P3H4: variants seen among roughly 807,000 people sequenced by gnomAD.
P3H4 encodes the protein prolyl 3-hydroxylase family member 4 (inactive).
A neutral mutation model predicts 52.9 loss-of-function variants in P3H4; 47 were observed. That is an observed-to-expected ratio of 0.89 (90% CI 0.70 to 1.13). P3H4 has a LOEUF of 1.13. Among genes scored for constraint, P3H4 ranks in the 50% most tolerant of loss-of-function variants. The probability of loss-of-function intolerance (pLI) is 0.00; values close to 1 mark genes in which losing one functional copy is unlikely to be tolerated. For missense variants in P3H4, 585 were observed against 611.0 expected (o/e 0.96, Z 0.45); for synonymous variants, 256 against 267.9 (o/e 0.96, Z 0.44).
At position 41,811,079 on chromosome 17, in the gene P3H4, C is replaced by T. The variant is rs1336453872; in HGVS notation, c.616-45G>A. 2 of 1,609,398 alleles carry T rather than the reference C, an allele frequency of 1.2e-6. No homozygotes were observed. The highest frequency in any genetic ancestry group is 1.7e-6 in the Non-Finnish European group (2 of 1,176,378). On this transcript the variant is annotated intron_variant, in intron 2 of 7. Transcript: ENST00000393928. This position sits in a 1 kb window ranked among gnomAD's most constrained non-coding sequence, Gnocchi z 4.8. ...GGGAGTCAGGGCGCCCCCAACATCT[C>T]CCCTCCTCTACTAGCCCTCCTCTAC... is the stretch of plus-strand genomic sequence containing the variant.
chr17:41,807,673 T>C (rs2047687533), intron 5 of P3H4, among the ~76,000 whole-genome samples, 186 bp downstream of exon 5: 1 of 151,992 alleles, frequency 6.6e-6, no homozygotes, highest in Admixed American at 6.6e-5. Context: ...AATTTTTTTT[T>C]CTTTTCAGTA....
rs185287878 is a variant in P3H4, at chr17:41,808,624, A to G, written c.917-620T>C. Among the ~76,000 whole-genome samples, 3 of 152,232 alleles carry G rather than the reference A, an allele frequency of 2.0e-5. No homozygotes were observed. In the East Asian group the frequency reaches 5.8e-4, roughly 29 times the overall value. On this transcript the variant is annotated intron_variant, in intron 4 of 7. Transcript: ENST00000393928. ...GGTTGGTCTCGAACTCCTGGGCTCA[A>G]GCCATCTGCCTGCCTGGGCCTCCCA...
chr17:41,811,264 C>A lies in P3H4; in HGVS notation c.483G>T (p.Ala161=), dbSNP rs145559331. Residue 161 remains alanine (A), a synonymous_variant, in exon 2 of 8, where the codon GCG becomes GCT. Transcript: ENST00000393928. This position sits in a 1 kb window ranked among gnomAD's most constrained non-coding sequence, Gnocchi z 4.8. ...GGAGGAAGGTGTAGGCCGCCGCCAC[C>A]GCCTTCTCCAGCCGGTTAGCCTGGT... The part of the protein sequence containing the change: ...ALFKANRLEK[A]VAAAYTFLQR... 75 of 1,613,532 alleles carry A rather than the reference C, an allele frequency of 4.6e-5. No individual in the cohort carries two copies. The Middle Eastern group carries it at 1.3e-3, about 28-fold the overall frequency.
chr17:41,808,096 GC>G, intron 4 of P3H4, 92 bp from the exon 5 acceptor site: 3 of 1,478,826 alleles, frequency 2.0e-6, no homozygotes, highest in Non-Finnish European at 1.8e-6. Flanking sequence ...CTGCTACCCA[GC>G]CACCTCCCAG....
rs2047631518 is a variant in P3H4 at position 41,802,811 on chromosome 17, C to A, written c.*146G>T. 3 of 832,054 alleles carry A rather than the reference C, an allele frequency of 3.6e-6. No homozygotes were observed. The highest frequency in any genetic ancestry group is 1.9e-6 in the Non-Finnish European group (1 of 527,176). The allele number at this position is 832,054 out of a possible 1,614,324, so 51.5% of individuals were successfully genotyped here. On this transcript the variant is annotated 3_prime_UTR_variant, in exon 8 of 8. Transcript: ENST00000393928. ...AAGTGATCCACCCACCTTGGCCTCCCAAAATGCTGGGATTACAGGTGTGAG... is the reference window on the plus strand; with the variant it reads ...AAGTGATCCACCCACCTTGGCCTCCAAAAATGCTGGGATTACAGGTGTGAG...
chr17:41,811,943 C>G lies in P3H4; in HGVS notation c.-28G>C. On this transcript the variant is annotated 5_prime_UTR_variant, in exon 1 of 8. Coordinates refer to ENST00000393928, the MANE Select transcript of P3H4 (RefSeq NM_006455.3). This position sits in a 1 kb window ranked among gnomAD's most constrained non-coding sequence, Gnocchi z 4.8. The stretch of plus-strand genomic sequence containing the variant: ...CCGCCGCGCCGCCGGCTCTCCGGAG[C>G]TGAGCTGGCTGCCCCGCGGACGGAA... The G allele has an allele frequency of 6.7e-7, 1 of 1,487,794 alleles. No homozygotes were observed. The highest frequency in any genetic ancestry group is 8.9e-7 in the Non-Finnish European group (1 of 1,127,132). 92.2% of individuals were successfully genotyped at this position (1,487,794 alleles called of 1,614,324 possible). A position where few individuals can be genotyped will look rare whatever the true frequency, so the allele number is the denominator to read the frequency against.
chr17:41,803,334 G>T lies in P3H4; in HGVS notation c.1244C>A (p.Ala415Asp). The T allele has an allele frequency of 1.2e-6, 2 of 1,614,086 alleles. No homozygotes were observed. Among genetic ancestry groups the T allele is most frequent in the South Asian group, 2.2e-5 (2 of 91,080 alleles). ...GGCATCCGGCTCCTGCCACCAGTCA[G>T]CATACATGCCCTCCTCGTAGTCACC... Reference protein sequence around the residue: ...GEGDYEEGMYADWWQEPDAKG... With the variant: ...GEGDYEEGMYDDWWQEPDAKG... Residue 415 changes from alanine to aspartate, a missense_variant, in exon 7 of 8, where the codon GCT (alanine) becomes GAT (aspartate). Transcript: ENST00000393928.
chr17:41,809,927 T>G, intron 3 of P3H4, 93 bp from the exon 4 acceptor site: 1 of 1,434,434 alleles, frequency 7.0e-7, no homozygotes, highest in Non-Finnish European at 9.5e-7. Flanking sequence ...CTCTGCCTAC[T>G]AAGCCAAGCT....
At chr17:41,810,824 G>C in intron 3 of P3H4, 39 bp downstream of exon 3, 3 of 1,586,866 alleles carry the variant, frequency 1.9e-6, no homozygotes, top group Non-Finnish European at 2.6e-6. Context: ...GGGCCCTGTG[G>C]GTGAGAGGAC....
intron 6 of P3H4, among the ~76,000 whole-genome samples, chr17:41,805,921 T>C (rs535265740): frequency 1.0e-3 from 158 of 152,116 alleles, no homozygotes; most frequent in African/African-American, 3.0e-3. Context: ...AACCCTCACT[T>C]GAAATCAATG....
In P3H4 at chr17:41,802,754, G is replaced by A. The variant is rs1555613685; in HGVS notation, c.*203C>T. On this transcript the variant is annotated 3_prime_UTR_variant, in exon 8 of 8. Transcript: ENST00000393928. ...TTAGTAGAGACGGAGGTCTCATCAT[G>A]TTGGCCAGGCTGGTCTTGAACTCCT... 3.7e-6 allele frequency: 2 copies of A among 547,632 alleles called. No homozygotes were observed. The highest frequency in any genetic ancestry group is 3.7e-5 in the Admixed American group (1 of 27,114). 33.9% of individuals were successfully genotyped at this position (547,632 alleles called of 1,614,324 possible).
chr17:41,803,056 G>A, intron 7 of P3H4, 77 bp from the exon 8 acceptor site: 1 of 1,537,484 alleles, frequency 6.5e-7, no homozygotes, highest in East Asian at 2.3e-5. Flanking sequence ...GTCCTGATGG[G>A]AGGTGGGGTG....
intron 3 of P3H4, 58 bp from the exon 4 acceptor site, chr17:41,809,892 C>A: frequency 2.5e-6 from 4 of 1,578,844 alleles, no homozygotes; most frequent in Admixed American, 3.4e-5. Context: ...TCCGTCCCCC[C>A]AGTGGAGAAG....
Position 41,808,503 on chromosome 17 carries a change from TCA to T in P3H4, c.917-501_917-500del, listed in dbSNP as rs534661732. Among the ~76,000 whole-genome samples the T allele has an allele frequency of 2.7e-3, 418 of 152,236 alleles. 4 individuals are homozygous for T. The highest frequency in any genetic ancestry group is 9.1e-3 in the African/African-American group (377 of 41,536). On this transcript the variant is annotated intron_variant, in intron 4 of 7. Transcript: ENST00000393928. ...CCTGGGCTCAAGCAATCCTCCCACC[TCA>T]GTCTCCCCAGTAGCTGGGACTACAG...
Position 41,811,502 on chromosome 17 carries a change from G to A in P3H4, c.414C>T (p.Asp138=), listed in dbSNP as rs1338417430. ...VPYPPRQLLR[D]FQSRLPYQYL... is the part of the protein sequence containing the mutation. The stretch of plus-strand genomic sequence containing the variant: ...ACTGGTAGGGCAGGCGGCTCTGGAA[G>A]TCACGCAGCAGCTGCCGCGGCGGGT... The change falls in exon 1 of 8, where the codon GAC becomes GAT. Residue 138 remains aspartate (D), a synonymous_variant. Coordinates refer to ENST00000393928, the MANE Select transcript of P3H4 (RefSeq NM_006455.3). The surrounding 1 kb of genome is among the most constrained non-coding windows in gnomAD (Gnocchi z 4.8). 6.2e-7 allele frequency: 1 copy of A among 1,611,812 alleles called. No homozygotes were observed. The highest frequency in any genetic ancestry group is 1.3e-5 in the African/African-American group (1 of 74,910).
rs1164958749 is a variant in P3H4, at chr17:41,811,604, C to T, written c.312G>A (p.Arg104=). ...GRADEWACEL[R]LFGRVLERAA... ...CTCGCTCCAGGACGCGGCCGAAGAG[C>T]CGCAGCTCGCAGGCCCACTCGTCTG... The change falls in exon 1 of 8, where the codon CGG becomes CGA. Residue 104 remains arginine (R), a synonymous_variant. Transcript: ENST00000393928. This position sits in a 1 kb window ranked among gnomAD's most constrained non-coding sequence, Gnocchi z 4.8. 23 of 1,557,120 alleles carry T rather than the reference C, an allele frequency of 1.5e-5. No individual in the cohort carries two copies. The highest frequency in any genetic ancestry group is 2.0e-5 in the Non-Finnish European group (23 of 1,156,170).
At chr17:41,805,626 G>C (rs2047666148) in intron 6 of P3H4, among the ~76,000 whole-genome samples, 1 of 152,038 alleles carries the variant, frequency 6.6e-6, no homozygotes, top group Non-Finnish European at 1.5e-5. Context: ...TACCCGGCCA[G>C]ATCTTGTGTT....
rs1555613707 is a variant in P3H4, at chr17:41,802,988, G to C, written c.1292-9C>G. 2.5e-6 allele frequency: 4 copies of C among 1,610,628 alleles called. No individual in the cohort carries two copies. Among genetic ancestry groups the C allele is most frequent in the Non-Finnish European group, 3.4e-6 (4 of 1,178,846 alleles). On this transcript the variant is annotated splice_polypyrimidine_tract_variant and intron_variant, in intron 7 of 7. Coordinates refer to ENST00000393928, the MANE Select transcript of P3H4 (RefSeq NM_006455.3). ...GAGTTCAGGCTCTGGCTCTGAAAAGGAAAGGAGAAAGCACTGGGGTTGCTC... is the reference window on the plus strand; with the variant it reads ...GAGTTCAGGCTCTGGCTCTGAAAAGCAAAGGAGAAAGCACTGGGGTTGCTC...
chr17:41,804,621 C>T (rs1483288303), intron 6 of P3H4, among the ~76,000 whole-genome samples: 6 of 151,788 alleles, frequency 4.0e-5, no homozygotes, highest in South Asian at 2.1e-4. Context: ...GAGTGAGACT[C>T]GGCTGTCATT....
Sources: gnomAD v4.1 joint callset for allele counts (sites outside exome capture counted in the v4.1 genomes callset) on GRCh38, gnomAD v4.1.1 for gene constraint, Gnocchi (gnomAD v3.1) non-coding constraint, MANE v1.5 for transcripts, NCBI Gene and HGNC (gene_info 2026-07-23, HGNC 2026-07-21) for gene names.